Variants in NEGR1 observed in about 807,000 individuals in gnomAD.
NEGR1 encodes the protein IgLON family member 4.
In NEGR1, 10 loss-of-function variants were observed where a neutral mutation model predicts 40.9. The ratio of observed to expected loss-of-function variants is 0.24; its 90% CI spans 0.15 to 0.42. The LOEUF (loss-of-function observed/expected upper bound fraction) is 0.42. Ranked by LOEUF, NEGR1 falls within the 10% of genes least tolerant of loss-of-function variation. The pLI is 1.00. For synonymous variants in NEGR1, 185 were observed against 166.8 expected (o/e 1.11, Z -0.84); for missense variants, 352 against 438.9 (o/e 0.80, Z 1.77).
intron 1 of NEGR1, among the ~76,000 whole-genome samples, chr1:72,126,951 G>C (rs1362036334): frequency 2.0e-5 from 3 of 152,070 alleles, no homozygotes; most frequent in African/African-American, 2.4e-5. Context: ...GATTATACTG[G>C]TCTGCACACA....
chr1:71,964,706 G>T (rs1646196062), intron 1 of NEGR1, among the ~76,000 whole-genome samples: 1 of 152,086 alleles, frequency 6.6e-6, no homozygotes, highest in Non-Finnish European at 1.5e-5. Context: ...CACTATGTTT[G>T]CAGTATTTTG....
At chr1:72,117,250 A>G (rs929389567) in intron 1 of NEGR1, among the ~76,000 whole-genome samples, 1 of 151,846 alleles carries the variant, frequency 6.6e-6, no homozygotes, top group African/African-American at 2.4e-5. Context: ...TATTTGTCTA[A>G]TTAAATCTGT....
intron 1 of NEGR1, among the ~76,000 whole-genome samples, chr1:72,261,409 A>ACTGG (rs1316460624): frequency 1.3e-5 from 2 of 152,068 alleles, no homozygotes; most frequent in Non-Finnish European, 2.9e-5. Flanking sequence ...TATGCAGAAC[A>ACTGG]CTGGTTTAAA....
chr1:72,098,048 T>C (rs573437932), intron 1 of NEGR1, among the ~76,000 whole-genome samples: 1 of 152,176 alleles, frequency 6.6e-6, no homozygotes, highest in African/African-American at 2.4e-5. Context: ...TTGTCTGTGT[T>C]GTAGGGTCAA....
intron 2 of NEGR1, among the ~76,000 whole-genome samples, chr1:71,853,480 C>A (rs962730352): frequency 1.3e-5 from 2 of 151,846 alleles, no homozygotes; most frequent in East Asian, 3.9e-4. Context: ...ACAATTGTGT[C>A]CAGTATAATT....
intron 1 of NEGR1, among the ~76,000 whole-genome samples, chr1:72,178,169 C>T (rs1276213605): frequency 4.0e-5 from 6 of 151,720 alleles, no homozygotes; most frequent in African/African-American, 1.5e-4. Flanking sequence ...TGGGTTTATA[C>T]TCAAAGGAAC....
At chr1:71,950,148 T>C (rs1310600489) in intron 1 of NEGR1, among the ~76,000 whole-genome samples, 1 of 152,040 alleles carries the variant, frequency 6.6e-6, no homozygotes, top group Admixed American at 6.6e-5. Flanking sequence ...GATCCAAACA[T>C]GGTCTTGGTG....
chr1:72,034,732 C>T (rs1484525747), intron 1 of NEGR1, among the ~76,000 whole-genome samples: 1 of 152,044 alleles, frequency 6.6e-6, no homozygotes, highest in Non-Finnish European at 1.5e-5. Flanking sequence ...TGATAGTTTA[C>T]GAATGATTTT....
intron 1 of NEGR1, among the ~76,000 whole-genome samples, chr1:72,009,916 C>T (rs896995655): frequency 1.3e-5 from 2 of 151,130 alleles, no homozygotes; most frequent in Admixed American, 6.6e-5. Context: ...CTAGTTAAAT[C>T]TGGGAGGTAG....
chr1:72,125,003 G>A (rs1356228958), intron 1 of NEGR1, among the ~76,000 whole-genome samples: 4 of 152,006 alleles, frequency 2.6e-5, no homozygotes, highest in African/African-American at 9.7e-5. Context: ...AAAGTCAAAA[G>A]TTACTCTAAC....
At chr1:71,994,615 A>T (rs1214090754) in intron 1 of NEGR1, among the ~76,000 whole-genome samples, 1 of 152,062 alleles carries the variant, frequency 6.6e-6, no homozygotes, top group Admixed American at 6.5e-5. Context: ...ACCCACCATG[A>T]AGTAGAACAG....
intron 3 of NEGR1, among the ~76,000 whole-genome samples, chr1:71,735,482 G>A (rs1185263586): frequency 6.6e-6 from 1 of 151,888 alleles, no homozygotes; most frequent in Non-Finnish European, 1.5e-5. Context: ...GGTAAAGGGG[G>A]ACATTGCCTC....
intron 1 of NEGR1, among the ~76,000 whole-genome samples, chr1:72,043,965 G>T (rs1004952808): frequency 4.6e-5 from 7 of 151,440 alleles, no homozygotes; most frequent in African/African-American, 1.7e-4. Flanking sequence ...ACATAAAATG[G>T]AAATAAAAAA....
chr1:71,608,097 G>A (rs566757269), intron 5 of NEGR1, among the ~76,000 whole-genome samples: 1 of 152,254 alleles, frequency 6.6e-6, no homozygotes, highest in African/African-American at 2.4e-5. Flanking sequence ...CCTACTCCCT[G>A]CATATGCTCA....
Position 71,868,475 on chromosome 1 carries a change from C to G in NEGR1, c.409+66604G>C, listed in dbSNP as rs567019538. On this transcript the variant is annotated intron_variant, in intron 2 of 6. Transcript: ENST00000357731. ...GATAGATAGATAGATAGACAGAATACATACATACATACATACATACATACA... is the reference window on the plus strand; with the variant it reads ...GATAGATAGATAGATAGACAGAATAGATACATACATACATACATACATACA... Among the ~76,000 whole-genome samples the G allele has an allele frequency of 6.6e-3, 332 of 50,538 alleles. 1 individual carries two copies. The highest frequency in any genetic ancestry group is 0.036 in the African/African-American group (314 of 8,668). 33.2% of individuals were successfully genotyped at this position (50,538 alleles called of 152,430 possible). A position where few individuals can be genotyped will look rare whatever the true frequency, so the allele number is the denominator to read the frequency against.
intron 1 of NEGR1, among the ~76,000 whole-genome samples, chr1:72,171,357 G>C (rs1570075311): frequency 6.6e-6 from 1 of 152,206 alleles, no homozygotes; most frequent in Non-Finnish European, 1.5e-5. Flanking sequence ...GACGCTCATG[G>C]TGTAAGAGCA....
At chr1:72,186,152 T>C (rs957662236) in intron 1 of NEGR1, among the ~76,000 whole-genome samples, 1 of 151,776 alleles carries the variant, frequency 6.6e-6, no homozygotes, top group Non-Finnish European at 1.5e-5. Context: ...CTTGTTCATA[T>C]GTAACTTGGA....
At chr1:71,703,032 T>C (rs1386978941) in intron 3 of NEGR1, 2 of 151,986 alleles carry the variant, frequency 1.3e-5, no homozygotes, top group African/African-American at 4.8e-5. Context: ...TTGTCGTTGC[T>C]GAGTACAAGG....
intron 2 of NEGR1, among the ~76,000 whole-genome samples, chr1:71,862,943 A>G (rs1397931568): frequency 1.3e-5 from 2 of 152,138 alleles, no homozygotes; most frequent in Non-Finnish European, 2.9e-5. Flanking sequence ...AAAAGTCAAG[A>G]AACAACAAAT....
Sources: allele counts gnomAD v4.1 joint callset (sites outside exome capture counted in the v4.1 genomes callset), GRCh38; gene constraint gnomAD v4.1.1; transcripts MANE v1.5; gene names NCBI Gene and HGNC (gene_info 2026-07-23, HGNC 2026-07-21).